Variants in SV2C observed in about 807,000 individuals in gnomAD.
SV2C encodes the protein synaptic vesicle glycoprotein 2C.
Under a neutral mutation model 79.7 loss-of-function variants are expected in SV2C, and 49 were observed. That is an observed-to-expected ratio of 0.61 (90% CI 0.49 to 0.78). SV2C has a LOEUF of 0.78. Among genes scored for constraint, SV2C ranks in the 30% least tolerant of loss-of-function variants. The pLI is 0.00. For synonymous variants in SV2C, 334 were observed against 333.2 expected (o/e 1.00, Z -0.03); for missense variants, 833 against 912.9 (o/e 0.91, Z 1.13).
At chr5:76,014,148 GGAAGGAAA>G in the SV2C span, among the ~76,000 whole-genome samples, 1 of 124,780 alleles carries the variant, frequency 8.0e-6, no homozygotes, top group Admixed American at 9.5e-5. Context: ...AGGAAAGGAA[GGAAGGAAA>G]GAAGGAAGGA....
At chr5:75,870,774 C>T in the SV2C span, among the ~76,000 whole-genome samples, 17 of 151,142 alleles carry the variant, frequency 1.1e-4, no homozygotes, top group East Asian at 1.9e-4. Flanking sequence ...ATAAAGAGAA[C>T]GGAAACAAAT....
chr5:76,240,357 T>G (rs1308325739), intron 4 of SV2C, among the ~76,000 whole-genome samples: 3 of 152,242 alleles, frequency 2.0e-5, no homozygotes, highest in Non-Finnish European at 4.4e-5. Flanking sequence ...TAAACAGTAG[T>G]GTGTACATTA....
chr5:75,971,632 C>A, the SV2C span, among the ~76,000 whole-genome samples: 9 of 152,024 alleles, frequency 5.9e-5, no homozygotes, highest in African/African-American at 1.9e-4. Flanking sequence ...CATGAATGAC[C>A]TCTTCAAGGA....
At chr5:76,053,387 C>T in the SV2C span, among the ~76,000 whole-genome samples, 8 of 152,150 alleles carry the variant, frequency 5.3e-5, no homozygotes, top group African/African-American at 1.7e-4. Flanking sequence ...GACCAAATAT[C>T]AGATACTTTG....
intron 1 of SV2C, among the ~76,000 whole-genome samples, chr5:76,096,139 T>C (rs1747550581): frequency 6.6e-6 from 1 of 152,174 alleles, no homozygotes; most frequent in African/African-American, 2.4e-5. Context: ...GAAGGGTTTT[T>C]CTAATACCCA....
At chr5:76,297,406 C>T (rs1325026658) in intron 9 of SV2C, among the ~76,000 whole-genome samples, 3 of 152,126 alleles carry the variant, frequency 2.0e-5, no homozygotes, top group African/African-American at 4.8e-5. Context: ...GGCAGAGGAA[C>T]TTGTGGCCTG....
At chr5:75,997,533 T>C in the SV2C span, among the ~76,000 whole-genome samples, 82 of 152,026 alleles carry the variant, frequency 5.4e-4, 1 homozygote, top group African/African-American at 1.9e-3. Flanking sequence ...GGGTGAAGGG[T>C]ATGAACAGAC....
At chr5:75,946,877 C>T in the SV2C span, among the ~76,000 whole-genome samples, 3 of 152,030 alleles carry the variant, frequency 2.0e-5, no homozygotes, top group African/African-American at 7.2e-5. Context: ...ATTACAGAAA[C>T]TGTACTATAA....
At chr5:75,978,634 A>G in the SV2C span, among the ~76,000 whole-genome samples, 1 of 152,218 alleles carries the variant, frequency 6.6e-6, no homozygotes, top group African/African-American at 2.4e-5. Context: ...ATTATTGTTT[A>G]GATTATTAAT....
At chr5:76,019,921 T>C in the SV2C span, among the ~76,000 whole-genome samples, 2 of 152,172 alleles carry the variant, frequency 1.3e-5, no homozygotes, top group Non-Finnish European at 2.9e-5. Context: ...GCTCTAAGTG[T>C]TGAGTGATAC....
intron 2 of SV2C, among the ~76,000 whole-genome samples, chr5:76,143,375 A>G (rs6453204): frequency 0.9 from 136,797 of 152,122 alleles, 61,586 homozygotes; most frequent in Non-Finnish European, 0.92. Flanking sequence ...CCCCAGAAAC[A>G]AGTTCATTCT....
At chr5:75,921,080 G>T in the SV2C span, 1 of 769,772 alleles carries the variant, frequency 1.3e-6, no homozygotes, top group Non-Finnish European at 2.2e-6. Context: ...GTCAGGGATG[G>T]GGCCAAACTC....
chr5:76,210,279 A>G (rs139219409), intron 4 of SV2C, among the ~76,000 whole-genome samples: 39 of 152,292 alleles, frequency 2.6e-4, no homozygotes, highest in African/African-American at 9.1e-4. Flanking sequence ...GCTCAGTCCC[A>G]CAAGACTGCC....
chr5:75,872,301 G>T, the SV2C span, among the ~76,000 whole-genome samples: 16 of 151,672 alleles, frequency 1.1e-4, no homozygotes, highest in Non-Finnish European at 2.9e-5. Flanking sequence ...AGTACTGAAA[G>T]AAATAAAAAT....
At chr5:76,171,451 G>T (rs1470827951) in intron 2 of SV2C, among the ~76,000 whole-genome samples, 1 of 115,462 alleles carries the variant, frequency 8.7e-6, no homozygotes, top group African/African-American at 3.0e-5. Context: ...GGGAGGTGAG[G>T]AGCGTCTCTG....
At chr5:75,907,147 A>G in the SV2C span, among the ~76,000 whole-genome samples, 3 of 152,206 alleles carry the variant, frequency 2.0e-5, no homozygotes, top group African/African-American at 7.2e-5. Flanking sequence ...GTGGGGCCAA[A>G]TGACCAACCC....
intron 3 of SV2C, among the ~76,000 whole-genome samples, chr5:76,201,481 C>T (rs1055944942): frequency 6.6e-6 from 1 of 152,122 alleles, no homozygotes; most frequent in African/African-American, 2.4e-5. Context: ...GTCTGTATAT[C>T]GTAAATGAAA....
rs1477537015 is a variant in SV2C at position 76,185,386 on chromosome 5, TG to T, written c.581-9528del. 2.6e-5 allele frequency among the ~76,000 whole-genome samples: 4 copies of T among 152,224 alleles called. 1 individual carries two copies. In the East Asian group the frequency reaches 7.7e-4, roughly 29 times the overall value. On this transcript the variant is annotated intron_variant, in intron 2 of 12. Coordinates refer to ENST00000502798, the MANE Select transcript of SV2C (RefSeq NM_014979.4). ...GCAGTGCCACAGTGGGGACTCTGTG[TG>T]GGGGCTTGTATCCCACATTTTCCTT... is the stretch of plus-strand genomic sequence containing the variant.
chr5:76,309,757 CAAAG>C (rs58376426), intron 12 of SV2C, among the ~76,000 whole-genome samples: 14,602 of 151,942 alleles, frequency 0.096, 737 homozygotes, highest in Admixed American at 0.14. Flanking sequence ...AAGAGGTTGT[CAAAG>C]AAAGATGATT....
Sources: allele counts gnomAD v4.1 joint callset (sites outside exome capture counted in the v4.1 genomes callset), GRCh38; gene constraint gnomAD v4.1.1; transcripts MANE v1.5; gene names NCBI Gene and HGNC (gene_info 2026-07-23, HGNC 2026-07-21).